INPP4B: variants seen among roughly 807,000 people sequenced by gnomAD.
The protein encoded by INPP4B is inositol polyphosphate 4-phosphatase type II.
Under a neutral mutation model 122.5 loss-of-function variants are expected in INPP4B, and 55 were observed. That is an observed-to-expected ratio of 0.45 (90% CI 0.36 to 0.56). The LOEUF (loss-of-function observed/expected upper bound fraction) is 0.56, where lower values mean the gene tolerates loss of function less well. INPP4B is among the 20% of genes least tolerant of loss of function. The pLI is 0.00. For missense variants in INPP4B, 1,000 were observed against 1,097.7 expected (o/e 0.91, Z 1.26); for synonymous variants, 403 against 388.7 (o/e 1.04, Z -0.43).
rs573712145 is a variant in INPP4B, at chr4:142,074,707, G to A, written c.2642+7324C>T. Among the ~76,000 whole-genome samples the A allele has an allele frequency of 3.3e-5, 5 of 152,160 alleles. No homozygotes were observed. In the East Asian group the frequency reaches 9.6e-4, roughly 29 times the overall value. ...AAGGGAGTATTATATAAGTTTAAAA[G>A]AAGATAACTAGATCTAAAATAAATA... On this transcript the variant is annotated intron_variant, in intron 25 of 25. Coordinates refer to ENST00000262992, the MANE Select transcript of INPP4B (RefSeq NM_001101669.3).
At chr4:142,355,493 A>T (rs180721298) in intron 7 of INPP4B, among the ~76,000 whole-genome samples, 1 of 152,150 alleles carries the variant, frequency 6.6e-6, no homozygotes, top group Non-Finnish European at 1.5e-5. Context: ...ATGCTTTTAT[A>T]CAATTTCTAC....
chr4:142,640,588 A>G (rs898300971), intron 2 of INPP4B, among the ~76,000 whole-genome samples: 2 of 152,122 alleles, frequency 1.3e-5, no homozygotes, highest in Admixed American at 1.3e-4. Flanking sequence ...ACAAGAATTT[A>G]AAAAGCACCA....
At chr4:142,132,249 G>A (rs1801672713) in intron 18 of INPP4B, among the ~76,000 whole-genome samples, 1 of 151,918 alleles carries the variant, frequency 6.6e-6, no homozygotes, top group South Asian at 2.1e-4. Context: ...TATGTTTGTA[G>A]AGAATAAGAT....
At chr4:142,763,948 T>C (rs910044607) in intron 1 of INPP4B, among the ~76,000 whole-genome samples, 2 of 152,128 alleles carry the variant, frequency 1.3e-5, no homozygotes, top group Non-Finnish European at 2.9e-5. Context: ...ACATATTCAT[T>C]GAGGCTGCCT....
chr4:142,046,436 G>T (rs1282565815), intron 25 of INPP4B, among the ~76,000 whole-genome samples: 2 of 152,104 alleles, frequency 1.3e-5, no homozygotes, highest in Non-Finnish European at 2.9e-5. Flanking sequence ...AAGGGTTCTT[G>T]TGAAAGCCAA....
intron 25 of INPP4B, among the ~76,000 whole-genome samples, chr4:142,070,758 T>C (rs1225105030): frequency 3.9e-5 from 6 of 151,982 alleles, no homozygotes; most frequent in Admixed American, 3.3e-4. Context: ...GAGAATAAAA[T>C]ACCTAGGAAT....
chr4:142,737,101 G>T (rs989406838), intron 1 of INPP4B, among the ~76,000 whole-genome samples: 2 of 152,040 alleles, frequency 1.3e-5, no homozygotes, highest in Non-Finnish European at 2.9e-5. Context: ...CACAGAATTG[G>T]AAAAAACTAC....
Position 142,604,674 on chromosome 4 carries a change from G to A in INPP4B, c.-191+121165C>T, listed in dbSNP as rs557348934. Among the ~76,000 whole-genome samples the A allele has an allele frequency of 1.1e-4, 16 of 152,006 alleles. No individual in the cohort carries two copies. In the Middle Eastern group the frequency reaches 0.014, roughly 129 times the overall value. On this transcript the variant is annotated intron_variant, in intron 2 of 25. Coordinates refer to ENST00000262992, the MANE Select transcript of INPP4B (RefSeq NM_001101669.3). The stretch of plus-strand genomic sequence containing the variant: ...ATAAATTTAACCAAAGAGGTGAAAT[G>A]TCTCTACAAGGAGAACTACAAAACA...
intron 2 of INPP4B, among the ~76,000 whole-genome samples, chr4:142,561,837 T>C (rs1437029926): frequency 6.6e-6 from 1 of 152,232 alleles, no homozygotes; most frequent in Non-Finnish European, 1.5e-5. Flanking sequence ...TCTTTTAAGA[T>C]CTGTAAGACT....
intron 14 of INPP4B, among the ~76,000 whole-genome samples, chr4:142,193,425 C>T (rs566574211): frequency 1.5e-4 from 23 of 152,130 alleles, no homozygotes; most frequent in Non-Finnish European, 2.9e-4. Flanking sequence ...TTTATGACTA[C>T]ATCTTAATTA....
At chr4:142,296,469 T>C (rs1223861968) in intron 9 of INPP4B, among the ~76,000 whole-genome samples, 1 of 152,180 alleles carries the variant, frequency 6.6e-6, no homozygotes, top group African/African-American at 2.4e-5. Flanking sequence ...TCTTATCCTG[T>C]CTTGGAAAAC....
intron 2 of INPP4B, among the ~76,000 whole-genome samples, chr4:142,629,329 A>C (rs13353799): frequency 0.11 from 16,467 of 152,112 alleles, 908 homozygotes; most frequent in South Asian, 0.15. Flanking sequence ...ACTGTAAGAG[A>C]GTATATATGA....
At chr4:142,277,401 G>A (rs979133635) in intron 9 of INPP4B, among the ~76,000 whole-genome samples, 5 of 151,696 alleles carry the variant, frequency 3.3e-5, no homozygotes, top group East Asian at 1.9e-4. Context: ...AGGTGTTGAC[G>A]TGGTTGTGGT....
intron 3 of INPP4B, among the ~76,000 whole-genome samples, chr4:142,453,944 T>A (rs1814844777): frequency 6.6e-6 from 1 of 152,126 alleles, no homozygotes; most frequent in Non-Finnish European, 1.5e-5. Context: ...CTAGAGGAAA[T>A]CATGGACTGA....
chr4:142,802,878 T>G (rs149735473), intron 1 of INPP4B, among the ~76,000 whole-genome samples: 1 of 151,784 alleles, frequency 6.6e-6, no homozygotes, highest in South Asian at 2.1e-4. Flanking sequence ...ATGTAAGAAA[T>G]GAAACATCAG....
At chr4:142,441,778 A>G (rs1423446150) in intron 3 of INPP4B, among the ~76,000 whole-genome samples, 2 of 150,782 alleles carry the variant, frequency 1.3e-5, no homozygotes, top group Non-Finnish European at 3.0e-5. Flanking sequence ...CTTAGCTGAT[A>G]TTTCTCAAGC....
At position 142,761,877 on chromosome 4, in the gene INPP4B, C is replaced by A. The variant is rs567044247; in HGVS notation, c.-253-35976G>T. On this transcript the variant is annotated intron_variant, in intron 1 of 25. Transcript: ENST00000262992. ...AGCCAAGGTGGAGCATAAACCATTCCTAAAACCTCTCAAAATACAGCAGGG... is the reference window on the plus strand; with the variant it reads ...AGCCAAGGTGGAGCATAAACCATTCATAAAACCTCTCAAAATACAGCAGGG... Among the ~76,000 whole-genome samples, 32 of 152,234 alleles carry A rather than the reference C, an allele frequency of 2.1e-4. No individual in the cohort carries two copies. The South Asian group carries it at 6.6e-3, about 32-fold the overall frequency.
At chr4:142,052,834 A>T (rs539409698) in intron 25 of INPP4B, among the ~76,000 whole-genome samples, 3 of 152,028 alleles carry the variant, frequency 2.0e-5, no homozygotes, top group Admixed American at 2.0e-4. Flanking sequence ...CCCACAGTCT[A>T]TTCTACTTCA....
chr4:142,488,018 T>A (rs1013682123), intron 2 of INPP4B, among the ~76,000 whole-genome samples: 1 of 152,106 alleles, frequency 6.6e-6, no homozygotes, highest in Non-Finnish European at 1.5e-5. Context: ...AATTTCACCA[T>A]TAAAAATGTT....
Sources: allele counts gnomAD v4.1 joint callset (sites outside exome capture counted in the v4.1 genomes callset), GRCh38; gene constraint gnomAD v4.1.1; transcripts MANE v1.5; gene names NCBI Gene and HGNC (gene_info 2026-07-23, HGNC 2026-07-21).